Variants in BTBD9 observed in about 807,000 individuals in gnomAD.
The protein encoded by BTBD9 is BTB domain containing 9.
Under a neutral mutation model 64.3 loss-of-function variants are expected in BTBD9, and 49 were observed. That is an observed-to-expected ratio of 0.76 (90% CI 0.61 to 0.97). The LOEUF is 0.97. Among genes scored for constraint, BTBD9 ranks in the 50% least tolerant of loss-of-function variants. The pLI is 0.00. For synonymous variants in BTBD9, 260 were observed against 274.7 expected, an observed-to-expected ratio of 0.95 and a Z score of 0.53; for missense variants, 598 against 762.1, an observed-to-expected ratio of 0.78 and a Z score of 2.53.
chr6:38,598,447 A>C (rs1427187160), intron 1 of BTBD9, among the ~76,000 whole-genome samples: 2 of 152,150 alleles, frequency 1.3e-5, no homozygotes, highest in African/African-American at 4.8e-5. Flanking sequence ...AAAAATCAAC[A>C]ATCAGAATAA....
At chr6:38,379,857 G>C (rs1385436835) in intron 6 of BTBD9, among the ~76,000 whole-genome samples, 1 of 152,182 alleles carries the variant, frequency 6.6e-6, no homozygotes, top group Non-Finnish European at 1.5e-5. Flanking sequence ...ATGCACAGGA[G>C]ACGGCAGTGT....
intron 6 of BTBD9, among the ~76,000 whole-genome samples, chr6:38,508,826 C>T (rs900228716): frequency 8.5e-5 from 13 of 152,296 alleles, no homozygotes; most frequent in African/African-American, 2.9e-4. Context: ...CCAAGACAGG[C>T]TTTTGCCTTA....
intron 9 of BTBD9, among the ~76,000 whole-genome samples, chr6:38,224,847 T>C (rs1763339945): frequency 6.6e-6 from 1 of 152,244 alleles, no homozygotes; most frequent in South Asian, 2.1e-4. Flanking sequence ...AGGTAGTACT[T>C]ACATTGTTTA....
At chr6:38,420,343 T>A (rs1767847970) in intron 6 of BTBD9, among the ~76,000 whole-genome samples, 1 of 152,174 alleles carries the variant, frequency 6.6e-6, no homozygotes, top group African/African-American at 2.4e-5. Flanking sequence ...GGCAGGAAAC[T>A]ATACTCACAA....
intron 6 of BTBD9, among the ~76,000 whole-genome samples, chr6:38,495,102 AC>A (rs1400621486): frequency 6.6e-6 from 1 of 152,198 alleles, no homozygotes; most frequent in Non-Finnish European, 1.5e-5. Context: ...CATACCTTTC[AC>A]CGAAACCGAC....
At chr6:38,182,138 TG>T in intron 10 of BTBD9, among the ~76,000 whole-genome samples, 1 of 152,358 alleles carries the variant, frequency 6.6e-6, no homozygotes, top group East Asian at 1.9e-4. Context: ...GGTAAGTTTC[TG>T]GGTGACAATG....
chr6:38,493,174 A>T (rs1399007401), intron 6 of BTBD9, among the ~76,000 whole-genome samples: 3 of 152,248 alleles, frequency 2.0e-5, no homozygotes, highest in Non-Finnish European at 4.4e-5. Flanking sequence ...GAAACCCTGG[A>T]GGAGCAATGT....
At chr6:38,196,554 G>A (rs992964896) in intron 9 of BTBD9, among the ~76,000 whole-genome samples, 2 of 152,210 alleles carry the variant, frequency 1.3e-5, no homozygotes, top group Admixed American at 6.5e-5. Flanking sequence ...CTTGGAGGCA[G>A]ACAAGCAGCT....
intron 8 of BTBD9, among the ~76,000 whole-genome samples, chr6:38,286,885 C>T (rs2127554478): frequency 6.6e-6 from 1 of 151,844 alleles, no homozygotes; most frequent in African/African-American, 2.4e-5. Context: ...AGTTCAAGAC[C>T]AGCCTGGCCA....
chr6:38,251,925 T>C (rs1412407777), intron 9 of BTBD9, among the ~76,000 whole-genome samples: 2 of 147,572 alleles, frequency 1.4e-5, no homozygotes, highest in Non-Finnish European at 3.0e-5. Context: ...GCTTTTAAAA[T>C]AAAGGGTGCA....
At chr6:38,505,178 C>T (rs371390283) in intron 6 of BTBD9, among the ~76,000 whole-genome samples, 106 of 152,310 alleles carry the variant, frequency 7.0e-4, no homozygotes, top group Middle Eastern at 3.4e-3. Flanking sequence ...GGGCTTAGTC[C>T]TGTATCCTCT....
intron 9 of BTBD9, among the ~76,000 whole-genome samples, chr6:38,236,090 A>G (rs186673311): frequency 6.6e-6 from 1 of 152,336 alleles, no homozygotes; most frequent in East Asian, 1.9e-4. Flanking sequence ...AAGAAAACAT[A>G]AGTTAGATGT....
chr6:38,433,759 C>T (rs1272928687), intron 6 of BTBD9, among the ~76,000 whole-genome samples: 1 of 151,954 alleles, frequency 6.6e-6, no homozygotes, highest in African/African-American at 2.4e-5. Context: ...TTTCTTCTAG[C>T]ATTCATTATA....
chr6:38,194,717 C>G (rs7756835), intron 9 of BTBD9, among the ~76,000 whole-genome samples: 1 of 151,582 alleles, frequency 6.6e-6, no homozygotes, highest in Non-Finnish European at 1.5e-5. Flanking sequence ...TGGGAGCCGT[C>G]CTGGGCAGAG....
intron 10 of BTBD9, among the ~76,000 whole-genome samples, chr6:38,183,184 G>T (rs907522945): frequency 6.6e-6 from 1 of 152,132 alleles, no homozygotes; most frequent in Non-Finnish European, 1.5e-5. Flanking sequence ...GTTTCACCGT[G>T]TTAGCCAGGA....
intron 6 of BTBD9, among the ~76,000 whole-genome samples, chr6:38,412,066 T>C (rs1283893084): frequency 6.6e-6 from 1 of 152,044 alleles, no homozygotes; most frequent in African/African-American, 2.4e-5. Flanking sequence ...GAGAAACATT[T>C]CCTATGTGAC....
At chr6:38,520,062 TAC>T (rs112508399) in intron 6 of BTBD9, among the ~76,000 whole-genome samples, 4 of 152,202 alleles carry the variant, frequency 2.6e-5, no homozygotes, top group African/African-American at 4.8e-5. Flanking sequence ...TAAAACTATA[TAC>T]ACACACATGC....
At chr6:38,563,736 C>T (rs946345937) in intron 6 of BTBD9, among the ~76,000 whole-genome samples, 3 of 151,240 alleles carry the variant, frequency 2.0e-5, no homozygotes, top group African/African-American at 7.3e-5. Flanking sequence ...CCCTACCTGT[C>T]TCTGCTCCAA....
At chr6:38,359,071 G>A (rs1436374457) in intron 6 of BTBD9, among the ~76,000 whole-genome samples, 3 of 152,186 alleles carry the variant, frequency 2.0e-5, no homozygotes, top group Non-Finnish European at 4.4e-5. Context: ...GCGCCCGGCC[G>A]GATTGTGACC....
Sources: gnomAD v4.1 joint callset for allele counts (sites outside exome capture counted in the v4.1 genomes callset) on GRCh38, gnomAD v4.1.1 for gene constraint, MANE v1.5 for transcripts, NCBI Gene and HGNC (gene_info 2026-07-23, HGNC 2026-07-21) for gene names.